CLSTN2: variants seen among roughly 807,000 people sequenced by gnomAD.
CLSTN2 encodes calsyntenin 2.
CLSTN2 carries 48 observed loss-of-function variants against 101.2 expected under a neutral mutation model. The observed-to-expected ratio is 0.47, with a 90% confidence interval of 0.38 to 0.60. The LOEUF (loss-of-function observed/expected upper bound fraction) is 0.60, where lower values mean the gene tolerates loss of function less well. Among genes scored for constraint, CLSTN2 ranks in the 20% least tolerant of loss-of-function variants. The pLI, the probability that CLSTN2 is intolerant of heterozygous loss-of-function variation, is 0.00. For missense variants in CLSTN2, 1,160 were observed against 1,238.2 expected (o/e 0.94, Z 0.95); for synonymous variants, 481 against 463.6 (o/e 1.04, Z -0.48).
At chr3:140,565,451 G>A (rs1936007601) in intron 16 of CLSTN2, among the ~76,000 whole-genome samples, 1 of 152,180 alleles carries the variant, frequency 6.6e-6, no homozygotes, top group Admixed American at 6.5e-5. Flanking sequence ...AAAAGCTGGA[G>A]GGAGGGGGAA....
chr3:140,021,283 G>T (rs1039274782), intron 1 of CLSTN2, among the ~76,000 whole-genome samples: 27 of 152,170 alleles, frequency 1.8e-4, no homozygotes, highest in African/African-American at 6.0e-4. Context: ...TGGGCTGAAG[G>T]GATCTGGAGC....
chr3:139,959,438 A>G (rs1935465269), intron 1 of CLSTN2, among the ~76,000 whole-genome samples: 1 of 152,218 alleles, frequency 6.6e-6, no homozygotes, highest in Non-Finnish European at 1.5e-5. Context: ...TTAAACAGAT[A>G]TCGAGGGGGC....
At chr3:140,252,820 A>G (rs891008470) in intron 2 of CLSTN2, among the ~76,000 whole-genome samples, 1 of 152,116 alleles carries the variant, frequency 6.6e-6, no homozygotes, top group Non-Finnish European at 1.5e-5. Flanking sequence ...AGTAGCTCAG[A>G]GGCTTGAAAG....
rs559019831 is a variant in CLSTN2, at chr3:140,278,697, C to T, written c.232+102624C>T. ...TGTGCAACTCGCACATCACAGTTAC[C>T]TCTTTGCCAGTTCCCTTAAAGGTGT... is the stretch of plus-strand genomic sequence containing the variant. On this transcript the variant is annotated intron_variant, in intron 2 of 16. Transcript: ENST00000458420. Among the ~76,000 whole-genome samples the T allele has an allele frequency of 1.7e-3, 259 of 152,292 alleles. 1 individual carries two copies. Among genetic ancestry groups the T allele is most frequent in the Non-Finnish European group, 3.2e-3 (221 of 68,014 alleles).
chr3:140,487,626 A>G (rs1033606059), intron 8 of CLSTN2, among the ~76,000 whole-genome samples: 6 of 152,244 alleles, frequency 3.9e-5, no homozygotes, highest in African/African-American at 1.4e-4. Flanking sequence ...TTATGTGTTC[A>G]TGGGAAAGAC....
At chr3:140,031,300 A>G (rs2007542488) in intron 1 of CLSTN2, among the ~76,000 whole-genome samples, 2 of 152,164 alleles carry the variant, frequency 1.3e-5, no homozygotes, top group African/African-American at 4.8e-5. Flanking sequence ...TTTGTTAGTG[A>G]CGCGCAGCAT....
chr3:140,008,507 G>A (rs1320983971), intron 1 of CLSTN2, among the ~76,000 whole-genome samples: 1 of 152,228 alleles, frequency 6.6e-6, no homozygotes, highest in African/African-American at 2.4e-5. Flanking sequence ...GCAGGGCCTG[G>A]GACGCTATGT....
chr3:140,155,354 G>A (rs1020832441), intron 1 of CLSTN2, among the ~76,000 whole-genome samples: 4 of 152,174 alleles, frequency 2.6e-5, no homozygotes, highest in African/African-American at 7.2e-5. Context: ...TTAGGAAAAA[G>A]CAGAAATCAA....
rs1367226884 is a variant in CLSTN2 at position 140,189,263 on chromosome 3, A to T, written c.232+13190A>T. 5.3e-5 allele frequency among the ~76,000 whole-genome samples: 8 copies of T among 152,314 alleles called. No individual in the cohort carries two copies. The East Asian group carries it at 1.5e-3, about 29-fold the overall frequency. ...ACATAAGTCTTTATTTTTCTGGGAT[A>T]CATGTCAGGAGTATAGTTGCTGGGT... is the stretch of plus-strand genomic sequence containing the variant. On this transcript the variant is annotated intron_variant, in intron 2 of 16. Coordinates refer to ENST00000458420, the MANE Select transcript of CLSTN2 (RefSeq NM_022131.3).
intron 1 of CLSTN2, among the ~76,000 whole-genome samples, chr3:140,135,238 G>A (rs1260897382): frequency 4.0e-5 from 6 of 148,290 alleles, no homozygotes; most frequent in African/African-American, 9.9e-5. Context: ...TCATATCTTA[G>A]TAAAGATACC....
At chr3:140,065,792 G>A (rs1576415028) in intron 1 of CLSTN2, among the ~76,000 whole-genome samples, 1 of 152,176 alleles carries the variant, frequency 6.6e-6, no homozygotes, top group African/African-American at 2.4e-5. Context: ...ATACAGCCTT[G>A]GGAGTGAGGG....
intron 2 of CLSTN2, among the ~76,000 whole-genome samples, chr3:140,308,583 G>T (rs2087135719): frequency 6.6e-6 from 1 of 152,212 alleles, no homozygotes; most frequent in Non-Finnish European, 1.5e-5. Context: ...CTGAAGCATT[G>T]TGTGAGGCAT....
At chr3:140,352,375 G>A (rs943690683) in intron 2 of CLSTN2, among the ~76,000 whole-genome samples, 1 of 152,198 alleles carries the variant, frequency 6.6e-6, no homozygotes, top group Non-Finnish European at 1.5e-5. Context: ...TTTGGTCCTT[G>A]AGGCTTTGTC....
intron 1 of CLSTN2, among the ~76,000 whole-genome samples, chr3:140,148,834 C>G (rs1022414310): frequency 1.3e-5 from 2 of 152,110 alleles, no homozygotes; most frequent in Non-Finnish European, 2.9e-5. Context: ...GAAGCTGAGA[C>G]TATTGCAAAA....
chr3:140,571,623 A>G lies in CLSTN2; in HGVS notation c.*5370A>G, dbSNP rs1389099990. ...GGCACAATTTAATTTTCACATAACC[A>G]CTTTCCATTGTCCAGCTGCAGGCAA... On this transcript the variant is annotated 3_prime_UTR_variant, in exon 17 of 17. Transcript: ENST00000458420. 1 of 152,210 alleles carries G rather than the reference A, an allele frequency of 6.6e-6. No individual in the cohort carries two copies. The highest frequency in any genetic ancestry group is 1.5e-5 in the Non-Finnish European group (1 of 68,028). 9.4% of individuals were successfully genotyped at this position (152,210 alleles called of 1,614,324 possible). A position where few individuals can be genotyped will look rare whatever the true frequency, so the allele number is the denominator to read the frequency against.
chr3:140,496,136 T>A (rs1447483167), intron 8 of CLSTN2, among the ~76,000 whole-genome samples: 1 of 152,230 alleles, frequency 6.6e-6, no homozygotes, highest in Non-Finnish European at 1.5e-5. Context: ...CTCTCTGACT[T>A]TCTTGAGCAG....
chr3:140,323,916 A>T (rs963947032), intron 2 of CLSTN2, among the ~76,000 whole-genome samples: 6 of 152,252 alleles, frequency 3.9e-5, no homozygotes, highest in African/African-American at 1.4e-4. Context: ...TGGCTGCAAC[A>T]GTTGCGAATG....
At chr3:140,189,550 C>A (rs2010530757) in intron 2 of CLSTN2, among the ~76,000 whole-genome samples, 2 of 152,162 alleles carry the variant, frequency 1.3e-5, no homozygotes. Context: ...TATCCTCTTC[C>A]ATGAAATGTC....
At position 140,180,179 on chromosome 3, in the gene CLSTN2, C is replaced by T. The variant is rs531998307; in HGVS notation, c.232+4106C>T. Among the ~76,000 whole-genome samples, 85 of 152,278 alleles carry T rather than the reference C, an allele frequency of 5.6e-4. 1 individual carries two copies. The South Asian group carries it at 0.017, about 30-fold the overall frequency. On this transcript the variant is annotated intron_variant, in intron 2 of 16. Coordinates refer to ENST00000458420, the MANE Select transcript of CLSTN2 (RefSeq NM_022131.3). Reference sequence around the variant, plus strand: ...TAAATTTGCGTTTCCTATTCCATACCCTCCTCCCTGCCAGTTGGCAGGGGA... The same window carrying T: ...TAAATTTGCGTTTCCTATTCCATACTCTCCTCCCTGCCAGTTGGCAGGGGA...
Sources: gnomAD v4.1 joint callset for allele counts (sites outside exome capture counted in the v4.1 genomes callset) on GRCh38, gnomAD v4.1.1 for gene constraint, MANE v1.5 for transcripts, NCBI Gene and HGNC (gene_info 2026-07-23, HGNC 2026-07-21) for gene names.